The following RNF214 variants were observed in gnomAD, a reference collection of about 807,000 sequenced individuals.
RNF214 encodes the protein ring finger protein 214.
Under a neutral mutation model 75.9 loss-of-function variants are expected in RNF214, and 25 were observed. The ratio of observed to expected loss-of-function variants is 0.33; its 90% CI spans 0.24 to 0.46. The LOEUF (loss-of-function observed/expected upper bound fraction) is 0.46, where lower values mean the gene tolerates loss of function less well. Among genes scored for constraint, RNF214 ranks in the 20% least tolerant of loss-of-function variants. The probability of loss-of-function intolerance (pLI) is 1.00; values close to 1 mark genes in which losing one functional copy is unlikely to be tolerated. For synonymous variants in RNF214, 314 were observed against 308.8 expected (o/e 1.02, Z -0.18); for missense variants, 725 against 857.5 (o/e 0.85, Z 1.93).
chr11:117,267,499 C>T (rs1591834956), intron 6 of RNF214, among the ~76,000 whole-genome samples: 1 of 151,994 alleles, frequency 6.6e-6, no homozygotes, highest in Non-Finnish European at 1.5e-5. Context: ...ATTGCTTGAG[C>T]TGAGGAGTTG....
intron 6 of RNF214, among the ~76,000 whole-genome samples, chr11:117,266,362 C>CT (rs1206183232): frequency 4.0e-5 from 6 of 151,332 alleles, no homozygotes; most frequent in East Asian, 1.9e-4. Context: ...TTCTTTCTTT[C>CT]TTTTTTTTTA....
At chr11:117,235,262 T>C (rs1365785396) in intron 2 of RNF214, among the ~76,000 whole-genome samples, 2 of 152,104 alleles carry the variant, frequency 1.3e-5, no homozygotes, top group Non-Finnish European at 2.9e-5. Flanking sequence ...AGTGGCGCGA[T>C]CTCGGCTCAC....
In RNF214 at chr11:117,284,987, C is replaced by G. The variant is rs1007331279; in HGVS notation, c.2047-99C>G. On this transcript the variant is annotated intron_variant, in intron 14 of 14. Coordinates refer to ENST00000300650, the MANE Select transcript of RNF214 (RefSeq NM_207343.4). ...CCCCTCTTGTACCTCAGTGTAAGAA[C>G]TTTTCTGACTTAGGCCTTGTTGAAC... 4.1e-4 allele frequency: 347 copies of G among 854,930 alleles called. 1 individual carries two copies. Among genetic ancestry groups the G allele is most frequent in the Admixed American group, 6.3e-4 (29 of 46,184 alleles). 53.0% of individuals were successfully genotyped at this position (854,930 alleles called of 1,614,324 possible).
intron 4 of RNF214, among the ~76,000 whole-genome samples, chr11:117,243,360 GGT>G (rs1187580555): frequency 6.6e-6 from 1 of 152,132 alleles, no homozygotes; most frequent in Admixed American, 6.5e-5. Context: ...TGGCCAGGCT[GGT>G]CTCGAACTGC....
At chr11:117,262,130 T>A (rs980585115) in intron 6 of RNF214, among the ~76,000 whole-genome samples, 1 of 150,992 alleles carries the variant, frequency 6.6e-6, no homozygotes, top group African/African-American at 2.4e-5. Context: ...AGTGCAGTGG[T>A]GCAATCTCGG....
At position 117,274,565 on chromosome 11, in the gene RNF214, A is replaced by G. The variant is rs147804749; in HGVS notation, c.960-5343A>G. ...GTATTTTTAGTAGAGACGAGGTTTC[A>G]CCCTGTTGGGCCAGGCTAGTCTCGA... On this transcript the variant is annotated intron_variant, in intron 6 of 14. Coordinates refer to ENST00000300650, the MANE Select transcript of RNF214 (RefSeq NM_207343.4). Among the ~76,000 whole-genome samples, 751 of 150,480 alleles carry G rather than the reference A, an allele frequency of 5.0e-3. 10 individuals are homozygous for G. The highest frequency in any genetic ancestry group is 0.016 in the African/African-American group (672 of 40,910).
intron 1 of RNF214, among the ~76,000 whole-genome samples, chr11:117,233,429 G>A (rs2032791370): frequency 6.6e-6 from 1 of 152,150 alleles, no homozygotes; most frequent in African/African-American, 2.4e-5. Context: ...GTTCCGGGGG[G>A]GAATACGTGT....
chr11:117,252,130 A>G (rs1436727835), intron 6 of RNF214, among the ~76,000 whole-genome samples: 2 of 152,212 alleles, frequency 1.3e-5, no homozygotes, highest in Non-Finnish European at 2.9e-5. Flanking sequence ...TGGCCTCCCA[A>G]AGTTCTGGGA....
chr11:117,246,600 G>T (rs1300154579), intron 5 of RNF214, among the ~76,000 whole-genome samples: 1 of 152,160 alleles, frequency 6.6e-6, no homozygotes, highest in Non-Finnish European at 1.5e-5. Context: ...TATTTTTCCT[G>T]TTGAGTTGAA....
chr11:117,245,501 G>A (rs1021263905), intron 5 of RNF214, among the ~76,000 whole-genome samples: 2 of 151,458 alleles, frequency 1.3e-5, no homozygotes, highest in South Asian at 2.1e-4. Context: ...CACTACGCCC[G>A]GCTAATTTTT....
rs151264480 is a variant in RNF214, at chr11:117,280,274, G to C, written c.1145+15G>C. 12 of 1,526,606 alleles carry C rather than the reference G, an allele frequency of 7.9e-6. No homozygotes were observed. The highest frequency in any genetic ancestry group is 1.1e-5 in the South Asian group (1 of 87,954). The allele number at this position is 1,526,606 out of a possible 1,614,324, so 94.6% of individuals were successfully genotyped here. ...ACTTACCTCAAGTAAGTACCTTTCC[G>C]TTCTAGAGCTTTAATTGTTTTGCAG... On this transcript the variant is annotated intron_variant, in intron 8 of 14. Transcript: ENST00000300650.
Position 117,238,838 on chromosome 11 carries a change from A to G in RNF214, c.345A>G (p.Thr115=). The part of the protein sequence containing the change: ...SQSDLKDVAS[T]AGEEGDTSLR... ...CTGATTTGAAGGATGTGGCCAGCAC[A>G]GCAGGAGAGGAGGGGGACACAAGCC... Residue 115 remains threonine, a synonymous_variant, in exon 3 of 15, where the codon ACA becomes ACG. Transcript: ENST00000300650. 6.2e-7 allele frequency: 1 copy of G among 1,614,212 alleles called. No homozygotes were observed. The highest frequency in any genetic ancestry group is 8.5e-7 in the Non-Finnish European group (1 of 1,180,048).
chr11:117,235,290 G>A (rs565861520), intron 2 of RNF214, among the ~76,000 whole-genome samples: 1 of 152,088 alleles, frequency 6.6e-6, no homozygotes, highest in Admixed American at 6.6e-5. Context: ...TCTGCCTCCC[G>A]GGTTTATGCC....
chr11:117,251,022 A>G lies in RNF214; in HGVS notation c.959+4074A>G, dbSNP rs1368535598. Among the ~76,000 whole-genome samples, 11 of 148,980 alleles carry G rather than the reference A, an allele frequency of 7.4e-5. No homozygotes were observed. In the East Asian group the frequency reaches 2.0e-3, roughly 27 times the overall value. Reference sequence around the variant, plus strand: ...GTCTCCCATGTCTACCTCTTTCTACACAGACACGGCAACCATCCAATTTCT... The same window carrying G: ...GTCTCCCATGTCTACCTCTTTCTACGCAGACACGGCAACCATCCAATTTCT... On this transcript the variant is annotated intron_variant, in intron 6 of 14. Coordinates refer to ENST00000300650, the MANE Select transcript of RNF214 (RefSeq NM_207343.4).
At position 117,244,437 on chromosome 11, in the gene RNF214, C is replaced by A; in HGVS notation, c.679-8C>A. ...GGAAATAAGCTTTTCTTGTCTTGTTCATAATAGGATAAAATGATGACAGAG... is the reference window on the plus strand; with the variant it reads ...GGAAATAAGCTTTTCTTGTCTTGTTAATAATAGGATAAAATGATGACAGAG... On this transcript the variant is annotated splice_polypyrimidine_tract_variant and splice_region_variant and intron_variant, in intron 4 of 14. Transcript: ENST00000300650. The A allele has an allele frequency of 1.2e-6, 2 of 1,605,088 alleles. No homozygotes were observed. Among genetic ancestry groups the A allele is most frequent in the South Asian group, 1.1e-5 (1 of 89,240 alleles).
chr11:117,280,009 G>A lies in RNF214; in HGVS notation c.1056+5G>A. The A allele has an allele frequency of 6.2e-7, 1 of 1,604,100 alleles. No individual in the cohort carries two copies. Among genetic ancestry groups the A allele is most frequent in the Non-Finnish European group, 8.5e-7 (1 of 1,173,112 alleles). On this transcript the variant is annotated splice_donor_5th_base_variant and intron_variant, in intron 7 of 14. Transcript: ENST00000300650. ...GAACGGGCCTGGAAGGCAGAGGTGAGAAGAGGAGCTGATATCTTGAAAGTC... is the reference window on the plus strand; with the variant it reads ...GAACGGGCCTGGAAGGCAGAGGTGAAAAGAGGAGCTGATATCTTGAAAGTC...
chr11:117,252,382 G>A (rs1240891027), intron 6 of RNF214, among the ~76,000 whole-genome samples: 1 of 152,220 alleles, frequency 6.6e-6, no homozygotes, highest in African/African-American at 2.4e-5. Flanking sequence ...TTGAGTTAGG[G>A]ATAACTCCCA....
chr11:117,260,331 G>A (rs1325170856), intron 6 of RNF214, among the ~76,000 whole-genome samples: 1 of 152,188 alleles, frequency 6.6e-6, no homozygotes, highest in Non-Finnish European at 1.5e-5. Context: ...AAAGGTTGAG[G>A]TTCATTTTTT....
chr11:117,275,812 C>T (rs913378407), intron 6 of RNF214, among the ~76,000 whole-genome samples: 14 of 152,252 alleles, frequency 9.2e-5, no homozygotes, highest in Admixed American at 3.3e-4. Flanking sequence ...ACCAGACATT[C>T]AAAGAACTGA....
Sources: allele counts gnomAD v4.1 joint callset (sites outside exome capture counted in the v4.1 genomes callset), GRCh38; gene constraint gnomAD v4.1.1; transcripts MANE v1.5; gene names NCBI Gene and HGNC (gene_info 2026-07-23, HGNC 2026-07-21).